NXPH1: variants seen among roughly 807,000 people sequenced by gnomAD.
The protein encoded by NXPH1 is neurexophilin-1.
Under a neutral mutation model 23.7 loss-of-function variants are expected in NXPH1, and 5 were observed. The observed-to-expected ratio is 0.21, with a 90% CI of 0.11 to 0.44. The LOEUF is 0.44. Among genes scored for constraint, NXPH1 ranks in the 20% least tolerant of loss-of-function variants. The pLI is 0.99. For missense variants in NXPH1, 324 were observed against 321.6 expected (o/e 1.01, Z -0.06); for synonymous variants, 144 against 122.2 (o/e 1.18, Z -1.18).
At chr7:8,669,881 G>A (rs1213455067) in intron 2 of NXPH1, among the ~76,000 whole-genome samples, 1 of 152,014 alleles carries the variant, frequency 6.6e-6, no homozygotes, top group African/African-American at 2.4e-5. Flanking sequence ...TGTTTCCTTA[G>A]CTCTTGTAAA....
In NXPH1 at chr7:8,493,296, A is replaced by G. The variant is rs541654927; in HGVS notation, c.54+57529A>G. On this transcript the variant is annotated intron_variant, in intron 2 of 2. Transcript: ENST00000405863. ...AGGAAGTATGTTTTAAATTACTTGC[A>G]ATTTTAACCCTATAGCTCTGGCTAT... Among the ~76,000 whole-genome samples the G allele has an allele frequency of 2.0e-5, 3 of 152,166 alleles. No individual in the cohort carries two copies. The South Asian group carries it at 6.2e-4, about 32-fold the overall frequency.
chr7:8,550,447 CT>C (rs1818260826), intron 2 of NXPH1, among the ~76,000 whole-genome samples: 1 of 151,578 alleles, frequency 6.6e-6, no homozygotes, highest in Admixed American at 6.6e-5. Context: ...TGAGCCTGCA[CT>C]TTCATTCCTG....
intron 2 of NXPH1, among the ~76,000 whole-genome samples, chr7:8,458,224 G>A (rs1286246818): frequency 1.3e-5 from 2 of 152,160 alleles, no homozygotes; most frequent in Admixed American, 6.5e-5. Flanking sequence ...GAGAATCATT[G>A]ACTTTAGGGT....
In NXPH1 at chr7:8,442,753, G is replaced by A. The variant is rs1051079513; in HGVS notation, c.54+6986G>A. Among the ~76,000 whole-genome samples, 1 of 152,230 alleles carries A rather than the reference G, an allele frequency of 6.6e-6. No homozygotes were observed. The highest frequency in any genetic ancestry group is 1.5e-5 in the Non-Finnish European group (1 of 68,042). On this transcript the variant is annotated intron_variant, in intron 2 of 2. Coordinates refer to ENST00000405863, the MANE Select transcript of NXPH1 (RefSeq NM_152745.3). This position sits in a 1 kb window ranked among gnomAD's most constrained non-coding sequence, Gnocchi z 4.6. ...GTCGCAGGTGACCTCGAGCGATCTC[G>A]ACAGGTTTATGGAAACACAGATGCA...
chr7:8,722,673 C>T (rs891843082), intron 2 of NXPH1, among the ~76,000 whole-genome samples: 1 of 152,140 alleles, frequency 6.6e-6, no homozygotes, highest in Non-Finnish European at 1.5e-5. Context: ...ATTTCCAGAG[C>T]TTTGAAGCTT....
At chr7:8,727,643 G>A (rs983327201) in intron 2 of NXPH1, among the ~76,000 whole-genome samples, 2 of 152,160 alleles carry the variant, frequency 1.3e-5, no homozygotes, top group Non-Finnish European at 2.9e-5. Flanking sequence ...AGATCAGATA[G>A]TTGTAGATAT....
intron 2 of NXPH1, among the ~76,000 whole-genome samples, chr7:8,512,178 G>T (rs953819144): frequency 2.0e-5 from 3 of 152,142 alleles, no homozygotes; most frequent in Admixed American, 6.5e-5. Context: ...GAAGCCAAGA[G>T]AACTTAGCAA....
At chr7:8,733,490 C>A (rs1401854669) in intron 2 of NXPH1, among the ~76,000 whole-genome samples, 2 of 152,192 alleles carry the variant, frequency 1.3e-5, no homozygotes, top group African/African-American at 4.8e-5. Flanking sequence ...AATTTACACT[C>A]CCACCAACAC....
chr7:8,458,359 C>T (rs913339658), intron 2 of NXPH1, among the ~76,000 whole-genome samples: 1 of 152,148 alleles, frequency 6.6e-6, no homozygotes, highest in Admixed American at 6.5e-5. Flanking sequence ...TATACTGGAC[C>T]ATAATTAACA....
At chr7:8,537,497 C>T (rs959110960) in intron 2 of NXPH1, among the ~76,000 whole-genome samples, 1 of 151,848 alleles carries the variant, frequency 6.6e-6, no homozygotes, top group Non-Finnish European at 1.5e-5. Context: ...TCTTATAAAA[C>T]CCTCAGATCT....
intron 2 of NXPH1, among the ~76,000 whole-genome samples, chr7:8,537,070 C>G (rs1329323397): frequency 6.6e-6 from 1 of 151,958 alleles, no homozygotes; most frequent in Non-Finnish European, 1.5e-5. Flanking sequence ...AATTTTTAAA[C>G]CTTTTCTCTC....
chr7:8,696,050 G>A (rs929296084), intron 2 of NXPH1, among the ~76,000 whole-genome samples: 6 of 152,182 alleles, frequency 3.9e-5, no homozygotes, highest in African/African-American at 1.4e-4. Flanking sequence ...AAAAATTCAT[G>A]TGTGCACTGT....
intron 2 of NXPH1, among the ~76,000 whole-genome samples, chr7:8,517,815 T>C (rs1379565477): frequency 2.6e-5 from 4 of 152,186 alleles, no homozygotes; most frequent in Non-Finnish European, 5.9e-5. Context: ...TGTAACATAA[T>C]GCACTGGGAG....
At chr7:8,523,815 C>T (rs781287576) in intron 2 of NXPH1, among the ~76,000 whole-genome samples, 1 of 152,184 alleles carries the variant, frequency 6.6e-6, no homozygotes, top group Non-Finnish European at 1.5e-5. Flanking sequence ...ACCCTTCATA[C>T]ATTCTATATC....
intron 2 of NXPH1, among the ~76,000 whole-genome samples, chr7:8,591,614 A>G (rs79550922): frequency 0.021 from 3,174 of 152,030 alleles, 42 homozygotes; most frequent in South Asian, 0.059. Context: ...CCATTCCATT[A>G]TTTGCAAAGC....
chr7:8,476,145 A>G (rs1816967222), intron 2 of NXPH1, among the ~76,000 whole-genome samples: 1 of 152,130 alleles, frequency 6.6e-6, no homozygotes, highest in African/African-American at 2.4e-5. Context: ...ATCTGAAAAT[A>G]TTTATGGATC....
At chr7:8,557,621 T>C (rs1330357439) in intron 2 of NXPH1, among the ~76,000 whole-genome samples, 6 of 151,578 alleles carry the variant, frequency 4.0e-5, no homozygotes, top group Non-Finnish European at 7.4e-5. Context: ...AGTAATGGGG[T>C]TTTACCCATT....
rs190746779 is a variant in NXPH1 at position 8,610,222 on chromosome 7, A to C, written c.55-140786A>C. On this transcript the variant is annotated intron_variant, in intron 2 of 2. Transcript: ENST00000405863. Reference sequence around the variant, plus strand: ...TATTTTCCTTTGAAATTTCTAAGAAAGGAGAGCCTTTCTGTGAATTAATGC... The same window carrying C: ...TATTTTCCTTTGAAATTTCTAAGAACGGAGAGCCTTTCTGTGAATTAATGC... 3.2e-3 allele frequency among the ~76,000 whole-genome samples: 493 copies of C among 152,252 alleles called. 5 individuals carry two copies. The highest frequency in any genetic ancestry group is 0.012 in the African/African-American group (479 of 41,566).
intron 2 of NXPH1, among the ~76,000 whole-genome samples, chr7:8,643,014 G>A (rs11560292): frequency 0.047 from 7,186 of 151,788 alleles, 377 homozygotes; most frequent in East Asian, 0.17. Flanking sequence ...ACGGGTGCAC[G>A]CCACCATGCC....
Sources: allele counts gnomAD v4.1 joint callset (sites outside exome capture counted in the v4.1 genomes callset), GRCh38; gene constraint gnomAD v4.1.1; non-coding constraint Gnocchi (gnomAD v3.1); transcripts MANE v1.5; gene names NCBI Gene and HGNC (gene_info 2026-07-23, HGNC 2026-07-21).